CCBE1: variants seen among roughly 807,000 people sequenced by gnomAD.
CCBE1 encodes the protein collagen and calcium binding EGF domains 1.
A neutral mutation model predicts 50.0 loss-of-function variants in CCBE1; 37 were observed. That is an observed-to-expected ratio of 0.74 (90% CI 0.57 to 0.97). The LOEUF (loss-of-function observed/expected upper bound fraction) is 0.97. Among genes scored for constraint, CCBE1 ranks in the 50% least tolerant of loss-of-function variants. The probability of loss-of-function intolerance (pLI) is 0.00; values close to 1 mark genes in which losing one functional copy is unlikely to be tolerated. For synonymous variants in CCBE1, 234 were observed against 203.7 expected (o/e 1.15, Z -1.27); for missense variants, 538 against 523.8 (o/e 1.03, Z -0.26).
intron 2 of CCBE1, among the ~76,000 whole-genome samples, chr18:59,660,601 C>A (rs1293315201): frequency 6.6e-6 from 1 of 152,148 alleles, no homozygotes; most frequent in Non-Finnish European, 1.5e-5. Flanking sequence ...TGCCCAAGTT[C>A]TCAGCTTTGA....
chr18:59,571,278 C>T (rs2052909771), intron 2 of CCBE1, among the ~76,000 whole-genome samples: 1 of 151,978 alleles, frequency 6.6e-6, no homozygotes, highest in Non-Finnish European at 1.5e-5. Context: ...TTAAGGTCTT[C>T]GATAATAGTG....
chr18:59,598,250 G>T (rs182129674), intron 2 of CCBE1, among the ~76,000 whole-genome samples: 47 of 152,294 alleles, frequency 3.1e-4, no homozygotes, highest in African/African-American at 1.1e-3. Flanking sequence ...ACTAGGTTAA[G>T]TTGCCAAAAT....
In CCBE1 at chr18:59,435,911, T is replaced by C. The variant is rs773614293; in HGVS notation, c.1218A>G (p.Pro406=). ...GGCGTGACGGTGTTGGGATGTGCTA[T>C]GGGTAGAAGTCTCTGGGGGCTCTCA... ...RDLRAPRDFY[P] is the part of the protein sequence containing the mutation. Residue 406 remains proline, a synonymous_variant, in exon 11 of 11, where the codon CCA becomes CCG. Transcript: ENST00000439986. 6.2e-7 allele frequency: 1 copy of C among 1,613,648 alleles called. No individual in the cohort carries two copies. The highest frequency in any genetic ancestry group is 1.7e-5 in the Admixed American group (1 of 60,026).
chr18:59,637,630 G>C (rs1055759933), intron 2 of CCBE1, among the ~76,000 whole-genome samples: 1 of 152,300 alleles, frequency 6.6e-6, no homozygotes, highest in East Asian at 1.9e-4. Context: ...GAAACAAAAA[G>C]ATGACAATAT....
At chr18:59,499,046 C>T (rs1384900241) in intron 2 of CCBE1, among the ~76,000 whole-genome samples, 1 of 152,112 alleles carries the variant, frequency 6.6e-6, no homozygotes, top group Non-Finnish European at 1.5e-5. Context: ...GAAAACTTGC[C>T]ATAGTGGTTT....
intron 2 of CCBE1, among the ~76,000 whole-genome samples, chr18:59,642,068 A>T (rs530120499): frequency 9.2e-5 from 14 of 152,276 alleles, no homozygotes; most frequent in Admixed American, 6.5e-4. Flanking sequence ...TAAAATTCAA[A>T]TTTTTTTCAT....
intron 3 of CCBE1, among the ~76,000 whole-genome samples, chr18:59,472,273 C>T (rs181338751): frequency 6.6e-6 from 1 of 152,326 alleles, no homozygotes; most frequent in African/African-American, 2.4e-5. Flanking sequence ...AGCCTAGAGG[C>T]GGTAGCTGCT....
intron 2 of CCBE1, among the ~76,000 whole-genome samples, chr18:59,567,414 G>A (rs570808258): frequency 7.2e-4 from 110 of 152,316 alleles, no homozygotes; most frequent in African/African-American, 2.4e-3. Flanking sequence ...GATTACAGGC[G>A]TGAGCCACTG....
chr18:59,635,562 G>A lies in CCBE1; in HGVS notation c.212+61067C>T, dbSNP rs527837691. Among the ~76,000 whole-genome samples the A allele has an allele frequency of 2.6e-5, 4 of 152,160 alleles. No homozygotes were observed. In the East Asian group the frequency reaches 7.7e-4, roughly 29 times the overall value. Reference sequence around the variant, plus strand: ...CTGATTAAAAATCACAGATACAATAGAAAGGGATGATCAAAGCTAAAATAT... The same window carrying A: ...CTGATTAAAAATCACAGATACAATAAAAAGGGATGATCAAAGCTAAAATAT... On this transcript the variant is annotated intron_variant, in intron 2 of 10. Coordinates refer to ENST00000439986, the MANE Select transcript of CCBE1 (RefSeq NM_133459.4).
At chr18:59,661,722 C>T (rs1218494730) in intron 2 of CCBE1, among the ~76,000 whole-genome samples, 2 of 152,178 alleles carry the variant, frequency 1.3e-5, no homozygotes, top group Admixed American at 6.5e-5. Context: ...AATCCAAGCA[C>T]TTTGAGAGCC....
chr18:59,567,785 G>A (rs1413386113), intron 2 of CCBE1, among the ~76,000 whole-genome samples: 2 of 152,094 alleles, frequency 1.3e-5, no homozygotes, highest in Non-Finnish European at 2.9e-5. Flanking sequence ...TTACTGACAG[G>A]GAAAAAGATG....
chr18:59,677,600 A>C (rs2144722572), intron 2 of CCBE1, among the ~76,000 whole-genome samples: 2 of 152,306 alleles, frequency 1.3e-5, no homozygotes, highest in Middle Eastern at 3.4e-3. Flanking sequence ...CAGGAAACCC[A>C]GAATTCAACA....
At chr18:59,562,221 A>C (rs1395018302) in intron 2 of CCBE1, among the ~76,000 whole-genome samples, 1 of 152,234 alleles carries the variant, frequency 6.6e-6, no homozygotes, top group African/African-American at 2.4e-5. Flanking sequence ...ATATACATAC[A>C]TGCAAACACA....
rs189456508 is a variant in CCBE1, at chr18:59,631,545, A to G, written c.212+65084T>C. On this transcript the variant is annotated intron_variant, in intron 2 of 10. Coordinates refer to ENST00000439986, the MANE Select transcript of CCBE1 (RefSeq NM_133459.4). ...CCTCTAATGCTAGATGTCAAAGGCCATTGAAATAAGGATCTCTGAGCAGTA... is the reference window on the plus strand; with the variant it reads ...CCTCTAATGCTAGATGTCAAAGGCCGTTGAAATAAGGATCTCTGAGCAGTA... Among the ~76,000 whole-genome samples the G allele has an allele frequency of 1.6e-3, 241 of 152,356 alleles. 3 individuals are homozygous for G. The highest frequency in any genetic ancestry group is 5.2e-3 in the African/African-American group (218 of 41,582).
At chr18:59,502,994 C>T (rs1032605324) in intron 2 of CCBE1, among the ~76,000 whole-genome samples, 3 of 152,236 alleles carry the variant, frequency 2.0e-5, no homozygotes, top group African/African-American at 7.2e-5. Context: ...AGAGGAAAGG[C>T]TGTCTCCTAT....
chr18:59,670,335 G>A (rs558849771), intron 2 of CCBE1, among the ~76,000 whole-genome samples: 1 of 152,226 alleles, frequency 6.6e-6, no homozygotes, highest in East Asian at 1.9e-4. Flanking sequence ...TATATAAATG[G>A]TTAACTAATT....
At chr18:59,595,380 C>T (rs2053336622) in intron 2 of CCBE1, among the ~76,000 whole-genome samples, 1 of 152,174 alleles carries the variant, frequency 6.6e-6, no homozygotes, top group South Asian at 2.1e-4. Context: ...ACTAACCTTT[C>T]TTACTTTGCC....
At chr18:59,668,457 A>G (rs981874101) in intron 2 of CCBE1, among the ~76,000 whole-genome samples, 5 of 147,142 alleles carry the variant, frequency 3.4e-5, no homozygotes, top group Non-Finnish European at 5.9e-5. Context: ...TGTTACATAT[A>G]TACATGCTTT....
Position 59,435,939 on chromosome 18 carries a change from T to C in CCBE1, c.1190A>G (p.Asp397Gly). ...GTAGAAGTCTCTGGGGGCTCTCAAGTCTCTTGTCTCAGTTCTTCTTGGATG... is the reference window on the plus strand; with the variant it reads ...GTAGAAGTCTCTGGGGGCTCTCAAGCCTCTTGTCTCAGTTCTTCTTGGATG... ...DDHPRRTETR[D>G]LRAPRDFYP Residue 397 changes from aspartate to glycine, a missense_variant, in exon 11 of 11, where the codon GAC (aspartate) becomes GGC (glycine). Asp to Gly is a moderately conservative substitution (Grantham distance 94). Transcript: ENST00000439986. 1 of 1,614,112 alleles carries C rather than the reference T, an allele frequency of 6.2e-7. No homozygotes were observed. The highest frequency in any genetic ancestry group is 8.5e-7 in the Non-Finnish European group (1 of 1,180,016).
Sources: gnomAD v4.1 joint callset for allele counts (sites outside exome capture counted in the v4.1 genomes callset) on GRCh38, gnomAD v4.1.1 for gene constraint, MANE v1.5 for transcripts, NCBI Gene and HGNC (gene_info 2026-07-23, HGNC 2026-07-21) for gene names.